PCNT: variants seen among roughly 807,000 people sequenced by gnomAD.
PCNT encodes the protein pericentrin.
PCNT carries 319 observed loss-of-function variants against 380.4 expected under a neutral mutation model. That is an observed-to-expected ratio of 0.84 (90% confidence interval 0.77 to 0.92). The LOEUF (loss-of-function observed/expected upper bound fraction) is 0.92, where lower values mean the gene tolerates loss of function less well. Ranked by LOEUF, PCNT falls within the 40% of genes least tolerant of loss-of-function variation. PCNT has a pLI of 0.00. For missense variants in PCNT, 4,400 were observed against 4,255.3 expected (o/e 1.03, Z -0.95); for synonymous variants, 1,845 against 1,735.2 (o/e 1.06, Z -1.57).
Position 46,359,503 on chromosome 21 carries a change from T to TTTTTTTTTTTTTTTTTTTTTTTTTC in PCNT, c.2154+2316_2154+2317insTTTTTTTTTTTTTTTTTTTTCTTTT, listed in dbSNP as rs2084624664. Among the ~76,000 whole-genome samples the TTTTTTTTTTTTTTTTTTTTTTTTTC allele has an allele frequency of 1.6e-5, 2 of 122,576 alleles. 1 individual carries two copies. Among genetic ancestry groups the TTTTTTTTTTTTTTTTTTTTTTTTTC allele is most frequent in the Non-Finnish European group, 3.6e-5 (2 of 54,820 alleles). 80.4% of individuals were successfully genotyped at this position (122,576 alleles called of 152,430 possible). A position where few individuals can be genotyped will look rare whatever the true frequency, so the allele number is the denominator to read the frequency against. ...CTGTTTTTTTTTTGTTTTTTTTTTT[T>TTTTTTTTTTTTTTTTTTTTTTTTTC]TTTTGAGACAGTGTCTCACTCTATC... is the stretch of plus-strand genomic sequence containing the variant. On this transcript the variant is annotated intron_variant, in intron 13 of 46. Transcript: ENST00000359568.
chr21:46,418,882 C>T (rs533383578), intron 31 of PCNT, among the ~76,000 whole-genome samples: 2 of 152,346 alleles, frequency 1.3e-5, no homozygotes, highest in African/African-American at 2.4e-5. Flanking sequence ...GCGGGAGGTG[C>T]GTGGGCTTGA....
intron 3 of PCNT, among the ~76,000 whole-genome samples, chr21:46,337,747 T>C (rs2083795658): frequency 6.6e-6 from 1 of 151,840 alleles, no homozygotes; most frequent in Admixed American, 6.6e-5. Context: ...CACGCCTGGC[T>C]AGTTTTGTAT....
intron 33 of PCNT, 63 bp downstream of exon 33, chr21:46,426,034 C>T (rs944523323): frequency 2.8e-5 from 38 of 1,376,802 alleles, no homozygotes; most frequent in Middle Eastern, 1.8e-4. Flanking sequence ...GTAATGGCCG[C>T]GTCCTTAGGG....
intron 15 of PCNT, among the ~76,000 whole-genome samples, chr21:46,371,206 CTTTCTTTCTTT>C (rs2085113514): frequency 1.6e-5 from 2 of 123,692 alleles, no homozygotes; most frequent in Non-Finnish European, 3.7e-5. Context: ...GGTTTATTTT[CTTTCTTTCTTT>C]TTTTTTTTTT....
At chr21:46,324,928 C>T in intron 1 of PCNT, 2 of 985,498 alleles carry the variant, frequency 2.0e-6, no homozygotes, top group Non-Finnish European at 2.4e-6. Context: ...CCGCGGCGCT[C>T]CCGGCCGCCG....
At chr21:46,377,847 A>G (rs1433089685) in intron 15 of PCNT, among the ~76,000 whole-genome samples, 1 of 140,610 alleles carries the variant, frequency 7.1e-6, no homozygotes, top group Non-Finnish European at 1.5e-5. Context: ...GTTGTCTCAA[A>G]AGATAATCAA....
intron 9 of PCNT, among the ~76,000 whole-genome samples, chr21:46,351,757 G>A (rs750033936): frequency 4.8e-4 from 73 of 152,246 alleles, no homozygotes; most frequent in Non-Finnish European, 8.5e-4. Flanking sequence ...GTGCAGCAGT[G>A]ACGTGCACCT....
chr21:46,354,083 G>T lies in PCNT; in HGVS notation c.1761+15G>T, dbSNP rs377045589. ...AGCGACATAAGGTAATTGGCCGCGC[G>T]CTGAGAAGTGGGGGAGTCCTGTGCT... On this transcript the variant is annotated intron_variant, in intron 11 of 46. Transcript: ENST00000359568. The T allele has an allele frequency of 1.9e-6, 3 of 1,609,628 alleles. No homozygotes were observed. In the South Asian group the frequency reaches 3.3e-5, roughly 18 times the overall value.
At chr21:46,441,731 A>G (rs1379265744) in intron 43 of PCNT, among the ~76,000 whole-genome samples, 1 of 151,940 alleles carries the variant, frequency 6.6e-6, no homozygotes, top group Non-Finnish European at 1.5e-5. Context: ...CTGCAGGAGG[A>G]AGCATTTTAG....
chr21:46,383,354 G>T (rs577002521), intron 16 of PCNT, among the ~76,000 whole-genome samples: 1 of 145,182 alleles, frequency 6.9e-6, no homozygotes, highest in Non-Finnish European at 1.5e-5. Flanking sequence ...TGTGCATTCA[G>T]TGGCGGAAGC....
At chr21:46,332,040 A>G (rs534827787) in intron 2 of PCNT, among the ~76,000 whole-genome samples, 1 of 152,292 alleles carries the variant, frequency 6.6e-6, no homozygotes, top group South Asian at 2.1e-4. Flanking sequence ...GGCGCCTGTA[A>G]TCCCAGGTAC....
chr21:46,442,989 G>A, intron 44 of PCNT: 2 of 282,042 alleles, frequency 7.1e-6, no homozygotes, highest in South Asian at 6.7e-5. Context: ...ACAGCAGAGA[G>A]CACAGCTGGC....
In PCNT at chr21:46,344,342, G is replaced by A. The variant is rs141147643; in HGVS notation, c.640-1786G>A. On this transcript the variant is annotated intron_variant, in intron 3 of 46. Coordinates refer to ENST00000359568, the MANE Select transcript of PCNT (RefSeq NM_006031.6). ...ACCTGCCTCAGCCTCCCAAAGTGCT[G>A]GGATTCCAGGTGTGAACCACCGCGC... 4.4e-3 allele frequency among the ~76,000 whole-genome samples: 666 copies of A among 152,202 alleles called. 6 individuals are homozygous for A. The highest frequency in any genetic ancestry group is 0.015 in the African/African-American group (641 of 41,536).
intron 2 of PCNT, among the ~76,000 whole-genome samples, chr21:46,330,547 A>AAACC (rs1163754074): frequency 6.6e-6 from 1 of 152,248 alleles, no homozygotes; most frequent in Non-Finnish European, 1.5e-5. Flanking sequence ...ATGTATATAA[A>AAACC]AACCATTGGT....
intron 17 of PCNT, 75 bp downstream of exon 17, chr21:46,386,058 C>G (rs1225519541): frequency 1.3e-6 from 2 of 1,579,898 alleles, no homozygotes; most frequent in Non-Finnish European, 1.7e-6. Flanking sequence ...CCATTGGTCC[C>G]CACGGCTCCT....
chr21:46,327,440 G>A (rs540239706), intron 2 of PCNT, among the ~76,000 whole-genome samples: 3 of 147,496 alleles, frequency 2.0e-5, no homozygotes, highest in African/African-American at 7.5e-5. Context: ...TTGCTGTGTT[G>A]CCCAGCCTGG....
At chr21:46,327,545 C>T (rs1651842037) in intron 2 of PCNT, among the ~76,000 whole-genome samples, 2 of 152,122 alleles carry the variant, frequency 1.3e-5, no homozygotes, top group South Asian at 2.1e-4. Flanking sequence ...GGATTATAGG[C>T]ATGAGCCACT....
At chr21:46,397,227 C>T (rs752610389) in intron 21 of PCNT, 38 bp from the exon 22 acceptor site, 67 of 1,521,186 alleles carry the variant, frequency 4.4e-5, no homozygotes, top group South Asian at 3.9e-4. Context: ...CTCTGAGGTG[C>T]GGGGGTGTCC....
At chr21:46,402,926 TAGTA>T (rs1319298805) in intron 27 of PCNT, among the ~76,000 whole-genome samples, 2 of 152,232 alleles carry the variant, frequency 1.3e-5, no homozygotes, top group African/African-American at 4.8e-5. Context: ...TGTGAGTACA[TAGTA>T]GGTGTATATT....
Sources: allele counts gnomAD v4.1 joint callset (sites outside exome capture counted in the v4.1 genomes callset), GRCh38; gene constraint gnomAD v4.1.1; transcripts MANE v1.5; gene names NCBI Gene and HGNC (gene_info 2026-07-23, HGNC 2026-07-21).